Variants in TRHDE observed in about 807,000 individuals in gnomAD.
The protein encoded by TRHDE is thyrotropin releasing hormone degrading enzyme.
Under a neutral mutation model 125.7 loss-of-function variants are expected in TRHDE, and 72 were observed. That is an observed-to-expected ratio of 0.57 (90% CI 0.47 to 0.70). TRHDE has a LOEUF of 0.70. TRHDE is among the 30% of genes least tolerant of loss of function. The pLI is 0.00. For synonymous variants in TRHDE, 509 were observed against 509.1 expected, an observed-to-expected ratio of 1.00 and a Z score of 0.00; for missense variants, 1,110 against 1,327.1, an observed-to-expected ratio of 0.84 and a Z score of 2.54.
At chr12:72,450,268 C>T (rs1875506848) in intron 3 of TRHDE, among the ~76,000 whole-genome samples, 1 of 151,976 alleles carries the variant, frequency 6.6e-6, no homozygotes, top group Non-Finnish European at 1.5e-5. Flanking sequence ...TATTCTCCTC[C>T]CATCTAAAGC....
At chr12:72,293,290 C>A (rs1457968606) in intron 2 of TRHDE, among the ~76,000 whole-genome samples, 1 of 151,780 alleles carries the variant, frequency 6.6e-6, no homozygotes, top group East Asian at 1.9e-4. Flanking sequence ...TTTTCCCACT[C>A]TGGGTTGTCT....
At chr12:72,624,054 C>T (rs1229264840) in intron 15 of TRHDE, among the ~76,000 whole-genome samples, 1 of 151,940 alleles carries the variant, frequency 6.6e-6, no homozygotes, top group African/African-American at 2.4e-5. Context: ...TTGCTTAACC[C>T]ACTACATGAC....
At chr12:72,160,390 T>TA in intron 2 of TRHDE, among the ~76,000 whole-genome samples, 1 of 152,228 alleles carries the variant, frequency 6.6e-6, no homozygotes, top group African/African-American at 2.4e-5. Flanking sequence ...ATCTATATTT[T>TA]AAAAGGACCT....
intron 2 of TRHDE, chr12:72,140,008 C>A (rs1417596192): frequency 6.6e-6 from 1 of 152,108 alleles, no homozygotes; most frequent in Non-Finnish European, 1.5e-5. Flanking sequence ...TGAAAGAGAT[C>A]GAAGTATTTT....
At chr12:72,198,167 TA>T in intron 2 of TRHDE, among the ~76,000 whole-genome samples, 1 of 152,266 alleles carries the variant, frequency 6.6e-6, no homozygotes, top group South Asian at 2.1e-4. Flanking sequence ...TGATAAATAA[TA>T]TTGTATTGTA....
chr12:72,456,938 T>C (rs1296851301), intron 3 of TRHDE, among the ~76,000 whole-genome samples: 3 of 152,142 alleles, frequency 2.0e-5, no homozygotes, highest in African/African-American at 4.8e-5. Context: ...AATCATTGAA[T>C]AGAAGCTCTC....
chr12:72,553,214 T>C (rs1869758120), intron 7 of TRHDE, among the ~76,000 whole-genome samples: 1 of 152,174 alleles, frequency 6.6e-6, no homozygotes, highest in Non-Finnish European at 1.5e-5. Context: ...AGCTTTTCAA[T>C]GGCATGATTT....
intron 6 of TRHDE, among the ~76,000 whole-genome samples, chr12:72,500,968 T>G (rs1485685207): frequency 6.6e-6 from 1 of 151,474 alleles, no homozygotes; most frequent in Non-Finnish European, 1.5e-5. Context: ...ATTATGTTTA[T>G]AAAACAATTT....
chr12:72,208,210 T>TCACACACC (rs1433676047), intron 2 of TRHDE, among the ~76,000 whole-genome samples: 1 of 151,868 alleles, frequency 6.6e-6, no homozygotes, highest in Non-Finnish European at 1.5e-5. Flanking sequence ...ACACACACAT[T>TCACACACC]CACACACCCA....
At chr12:72,499,355 A>G in intron 5 of TRHDE, 143 bp from the exon 6 acceptor site, 1 of 1,077,030 alleles carries the variant, frequency 9.3e-7, no homozygotes, top group Non-Finnish European at 1.3e-6. Flanking sequence ...GAGCATTTTT[A>G]TTGGGTTCAC....
At chr12:72,157,888 A>G (rs1438207155) in intron 2 of TRHDE, among the ~76,000 whole-genome samples, 2 of 152,172 alleles carry the variant, frequency 1.3e-5, no homozygotes, top group Non-Finnish European at 2.9e-5. Flanking sequence ...GGAAAAGAGA[A>G]GAACATTGAG....
chr12:72,150,385 G>A, intron 2 of TRHDE, among the ~76,000 whole-genome samples: 1 of 151,846 alleles, frequency 6.6e-6, no homozygotes, highest in East Asian at 1.9e-4. Context: ...ACAAAAGTAT[G>A]GGTAGTGAGT....
rs561151200 is a variant in TRHDE at position 72,164,558 on chromosome 12, A to T, written n.279+58806A>T. ...ATCCTGTGGTGGCAGGCTGGACAAGATGTCCACCTTACATACAGTCCAGTG... is the reference window on the plus strand; with the variant it reads ...ATCCTGTGGTGGCAGGCTGGACAAGTTGTCCACCTTACATACAGTCCAGTG... On this transcript the variant is annotated intron_variant and non_coding_transcript_variant, in intron 2 of 4. Transcript: ENST00000548156. Among the ~76,000 whole-genome samples the T allele has an allele frequency of 5.9e-5, 9 of 152,242 alleles. No homozygotes were observed. In the South Asian group the frequency reaches 1.9e-3, roughly 32 times the overall value.
At chr12:72,113,621 G>T (rs1333926097) in intron 2 of TRHDE, among the ~76,000 whole-genome samples, 2 of 151,702 alleles carry the variant, frequency 1.3e-5, no homozygotes, top group African/African-American at 2.4e-5. Flanking sequence ...TACATGATTG[G>T]TTCCTTTGGC....
intron 2 of TRHDE, among the ~76,000 whole-genome samples, chr12:72,188,561 G>A (rs950002997): frequency 6.6e-6 from 1 of 152,136 alleles, no homozygotes; most frequent in Non-Finnish European, 1.5e-5. Flanking sequence ...GAGAGTGGCC[G>A]GGTTTCAGCA....
chr12:72,293,125 C>T (rs1156380273), intron 2 of TRHDE, among the ~76,000 whole-genome samples: 1 of 151,762 alleles, frequency 6.6e-6, no homozygotes, highest in Non-Finnish European at 1.5e-5. Flanking sequence ...GGGGCATCTA[C>T]CAATGGTCTC....
chr12:72,404,543 G>C (rs753979425), intron 3 of TRHDE, among the ~76,000 whole-genome samples: 6 of 152,160 alleles, frequency 3.9e-5, no homozygotes, highest in Non-Finnish European at 7.3e-5. Context: ...GACTGGGGAG[G>C]CCTCACAATC....
In TRHDE at chr12:72,639,819, G is replaced by T. The variant is rs982861589; in HGVS notation, c.2676-12503G>T. On this transcript the variant is annotated intron_variant, in intron 15 of 18. Transcript: ENST00000261180. ...GCCTCCCATTTAGGCTGCTCGGGGGGTCAGCAGTCAGGGACCCACTTGAGG... is the reference window on the plus strand; with the variant it reads ...GCCTCCCATTTAGGCTGCTCGGGGGTTCAGCAGTCAGGGACCCACTTGAGG... Among the ~76,000 whole-genome samples the T allele has an allele frequency of 7.2e-5, 11 of 152,310 alleles. No homozygotes were observed. The East Asian group carries it at 1.7e-3, about 24-fold the overall frequency.
At chr12:72,295,059 G>A (rs1565687456) in intron 2 of TRHDE, among the ~76,000 whole-genome samples, 1 of 151,120 alleles carries the variant, frequency 6.6e-6, no homozygotes, top group Non-Finnish European at 1.5e-5. Context: ...AAAGTGCAGG[G>A]ATGCTTGAGT....
Sources: allele counts gnomAD v4.1 joint callset (sites outside exome capture counted in the v4.1 genomes callset), GRCh38; gene constraint gnomAD v4.1.1; transcripts MANE v1.5; gene names NCBI Gene and HGNC (gene_info 2026-07-23, HGNC 2026-07-21).